PARD3B: variants seen among roughly 807,000 people sequenced by gnomAD.
PARD3B encodes the protein partitioning defective 3 homolog B.
In PARD3B, 103 loss-of-function variants were observed where a neutral mutation model predicts 130.2. The ratio of observed to expected loss-of-function variants is 0.79; its 90% CI spans 0.67 to 0.93. The LOEUF is 0.93. Among genes scored for constraint, PARD3B ranks in the 40% least tolerant of loss-of-function variants. The pLI is 0.00. For synonymous variants in PARD3B, 583 were observed against 553.2 expected, an observed-to-expected ratio of 1.05 and a Z score of -0.76; for missense variants, 1,609 against 1,499.2, an observed-to-expected ratio of 1.07 and a Z score of -1.21.
At chr2:205,257,602 A>G (rs918957690) in intron 16 of PARD3B, among the ~76,000 whole-genome samples, 4 of 152,202 alleles carry the variant, frequency 2.6e-5, no homozygotes, top group African/African-American at 9.6e-5. Flanking sequence ...GAAAAATTAT[A>G]TATTTAAATT....
At chr2:205,322,316 G>C (rs1366729230) in intron 18 of PARD3B, among the ~76,000 whole-genome samples, 1 of 152,160 alleles carries the variant, frequency 6.6e-6, no homozygotes, top group Non-Finnish European at 1.5e-5. Context: ...CATCTGTTAG[G>C]TAGTTGGGGT....
At chr2:204,562,801 A>C (rs1231233561) in intron 1 of PARD3B, among the ~76,000 whole-genome samples, 2 of 151,656 alleles carry the variant, frequency 1.3e-5, no homozygotes, top group Non-Finnish European at 2.9e-5. Flanking sequence ...TTAAAAAAAA[A>C]CTGCAGTTCA....
At chr2:204,672,394 A>C (rs1027183112) in intron 1 of PARD3B, among the ~76,000 whole-genome samples, 2 of 152,330 alleles carry the variant, frequency 1.3e-5, no homozygotes, top group African/African-American at 2.4e-5. Context: ...AAGGCACTGG[A>C]CATGAAGGGC....
At chr2:205,312,004 C>T (rs1464944082) in intron 18 of PARD3B, among the ~76,000 whole-genome samples, 1 of 152,162 alleles carries the variant, frequency 6.6e-6, no homozygotes, top group East Asian at 1.9e-4. Flanking sequence ...CATAAAGATA[C>T]ATTTTGACTT....
At chr2:205,177,485 A>G (rs925822839) in intron 13 of PARD3B, among the ~76,000 whole-genome samples, 7 of 152,202 alleles carry the variant, frequency 4.6e-5, no homozygotes, top group African/African-American at 1.7e-4. Context: ...TTCTTCTACA[A>G]TATCACATTC....
At chr2:204,868,934 G>C (rs1156781616) in intron 2 of PARD3B, among the ~76,000 whole-genome samples, 1 of 152,104 alleles carries the variant, frequency 6.6e-6, no homozygotes, top group African/African-American at 2.4e-5. Context: ...CAACAACAGG[G>C]AATCAGGTGT....
chr2:204,977,581 G>A (rs1024639561), intron 3 of PARD3B, among the ~76,000 whole-genome samples: 7 of 152,094 alleles, frequency 4.6e-5, no homozygotes, highest in African/African-American at 9.7e-5. Flanking sequence ...AGGCCTAGGC[G>A]GGTGGATCAC....
At chr2:204,614,563 C>A (rs1332636419) in intron 1 of PARD3B, among the ~76,000 whole-genome samples, 1 of 152,158 alleles carries the variant, frequency 6.6e-6, no homozygotes, top group Admixed American at 6.6e-5. Flanking sequence ...TTCATGTTAA[C>A]ACAGTGATAT....
rs149010056 is a variant in PARD3B at position 204,946,757 on chromosome 2, C to T, written c.223-18395C>T. 1.5e-3 allele frequency among the ~76,000 whole-genome samples: 226 copies of T among 152,212 alleles called. 1 individual carries two copies. The highest frequency in any genetic ancestry group is 5.1e-3 in the African/African-American group (211 of 41,528). ...GATCTGTAGCCAGGAAATTAGAGAC[C>T]TCGAAGAGCTGACATATGATTCCAG... On this transcript the variant is annotated intron_variant, in intron 2 of 22. Transcript: ENST00000406610.
chr2:205,077,959 A>C (rs1701177891), intron 4 of PARD3B, among the ~76,000 whole-genome samples: 1 of 152,218 alleles, frequency 6.6e-6, no homozygotes, highest in Non-Finnish European at 1.5e-5. Context: ...GTCTCTTTTA[A>C]TGGAAAGTAG....
intron 2 of PARD3B, among the ~76,000 whole-genome samples, chr2:204,761,918 T>C (rs2040915342): frequency 6.6e-6 from 1 of 152,090 alleles, no homozygotes; most frequent in African/African-American, 2.4e-5. Flanking sequence ...TGTCATGATA[T>C]TTTTATGAAT....
chr2:205,484,730 A>G (rs2049372082), intron 20 of PARD3B, among the ~76,000 whole-genome samples: 1 of 152,180 alleles, frequency 6.6e-6, no homozygotes, highest in Admixed American at 6.6e-5. Context: ...TATGATATAA[A>G]TAAAATGGAA....
At chr2:205,498,501 C>CA (rs757837391) in intron 20 of PARD3B, among the ~76,000 whole-genome samples, 106 of 136,604 alleles carry the variant, frequency 7.8e-4, no homozygotes, top group East Asian at 1.9e-3. Flanking sequence ...GACTCCATCT[C>CA]AAAAAAAAAA....
At chr2:205,118,353 C>T (rs1486953791) in intron 6 of PARD3B, among the ~76,000 whole-genome samples, 1 of 152,174 alleles carries the variant, frequency 6.6e-6, no homozygotes, top group Non-Finnish European at 1.5e-5. Flanking sequence ...GTCTCATACT[C>T]CTCCATCCTG....
At chr2:204,901,329 T>C (rs933856917) in intron 2 of PARD3B, among the ~76,000 whole-genome samples, 11 of 152,016 alleles carry the variant, frequency 7.2e-5, no homozygotes, top group Non-Finnish European at 1.5e-4. Context: ...AGTCCTTTCC[T>C]CTCTTCCTTC....
chr2:204,719,277 G>A (rs997880912), intron 2 of PARD3B, among the ~76,000 whole-genome samples: 6 of 152,152 alleles, frequency 3.9e-5, no homozygotes, highest in African/African-American at 1.4e-4. Flanking sequence ...AAGGCTAACG[G>A]AGACTATTTG....
intron 2 of PARD3B, among the ~76,000 whole-genome samples, chr2:204,938,501 C>G (rs1688639598): frequency 6.6e-6 from 1 of 152,200 alleles, no homozygotes; most frequent in Admixed American, 6.5e-5. Context: ...CTAATTTTCC[C>G]AATTCTTCGG....
At chr2:204,893,012 CAT>C (rs2125692241) in intron 2 of PARD3B, among the ~76,000 whole-genome samples, 1 of 152,176 alleles carries the variant, frequency 6.6e-6, no homozygotes, top group Non-Finnish European at 1.5e-5. Context: ...GTTTTTGAAT[CAT>C]AAAACTGGAT....
At chr2:204,701,658 A>C (rs2037898302) in intron 2 of PARD3B, among the ~76,000 whole-genome samples, 1 of 152,184 alleles carries the variant, frequency 6.6e-6, no homozygotes, top group East Asian at 1.9e-4. Flanking sequence ...GAATTCTGGA[A>C]GTATTCACCA....
Sources: gnomAD v4.1 joint callset for allele counts (sites outside exome capture counted in the v4.1 genomes callset) on GRCh38, gnomAD v4.1.1 for gene constraint, MANE v1.5 for transcripts, NCBI Gene and HGNC (gene_info 2026-07-23, HGNC 2026-07-21) for gene names.